Variants in MYRIP observed in about 807,000 individuals in gnomAD.
MYRIP encodes the protein rab effector MyRIP.
A neutral mutation model predicts 98.0 loss-of-function variants in MYRIP; 49 were observed. That is an observed-to-expected ratio of 0.50 (90% CI 0.40 to 0.63). The LOEUF (loss-of-function observed/expected upper bound fraction) is 0.63, where lower values mean the gene tolerates loss of function less well. Among genes scored for constraint, MYRIP ranks in the 30% least tolerant of loss-of-function variants. MYRIP has a pLI of 0.00. For synonymous variants in MYRIP, 404 were observed against 409.5 expected (o/e 0.99, Z 0.16); for missense variants, 1,004 against 1,058.2 (o/e 0.95, Z 0.71).
At chr3:39,939,454 A>T (rs1369098249) in intron 2 of MYRIP, among the ~76,000 whole-genome samples, 2 of 152,158 alleles carry the variant, frequency 1.3e-5, no homozygotes, top group African/African-American at 4.8e-5. Flanking sequence ...AAATATCATG[A>T]TCACTGAAAT....
intron 1 of MYRIP, among the ~76,000 whole-genome samples, chr3:39,833,681 T>G (rs1470305596): frequency 6.6e-6 from 1 of 152,194 alleles, no homozygotes; most frequent in Non-Finnish European, 1.5e-5. Flanking sequence ...CAGATTCCAC[T>G]GGTCACATTA....
intron 9 of MYRIP, among the ~76,000 whole-genome samples, chr3:40,186,820 C>T (rs1199694344): frequency 6.6e-6 from 1 of 152,208 alleles, no homozygotes; most frequent in Non-Finnish European, 1.5e-5. Flanking sequence ...TCACTGAGAA[C>T]CTGAGCATTC....
At chr3:39,865,402 GA>G (rs1457327753) in intron 1 of MYRIP, among the ~76,000 whole-genome samples, 2 of 151,698 alleles carry the variant, frequency 1.3e-5, no homozygotes, top group Admixed American at 6.6e-5. Context: ...CCACAGAATG[GA>G]AAAAAAATTT....
intron 1 of MYRIP, among the ~76,000 whole-genome samples, chr3:39,879,738 A>G (rs1943111310): frequency 6.6e-6 from 1 of 152,226 alleles, no homozygotes; most frequent in Admixed American, 6.5e-5. Flanking sequence ...GAAGGGCAGC[A>G]GCTGAAATCT....
At chr3:39,994,808 C>T (rs1946293538) in intron 2 of MYRIP, among the ~76,000 whole-genome samples, 1 of 152,194 alleles carries the variant, frequency 6.6e-6, no homozygotes, top group Non-Finnish European at 1.5e-5. Context: ...AGACTGACAC[C>T]TCACACGACT....
At chr3:39,870,267 G>A (rs2125628953) in intron 1 of MYRIP, among the ~76,000 whole-genome samples, 2 of 152,284 alleles carry the variant, frequency 1.3e-5, no homozygotes, top group East Asian at 3.9e-4. Context: ...AAGAAGGAGA[G>A]ACCTGACACA....
chr3:40,247,658 G>C (rs1007510407), intron 13 of MYRIP, among the ~76,000 whole-genome samples: 4 of 152,072 alleles, frequency 2.6e-5, no homozygotes, highest in Non-Finnish European at 4.4e-5. Flanking sequence ...CGAGTAGCTG[G>C]GATTACAGGC....
At chr3:39,950,343 T>C (rs1408112361) in intron 2 of MYRIP, among the ~76,000 whole-genome samples, 1 of 152,210 alleles carries the variant, frequency 6.6e-6, no homozygotes, top group Non-Finnish European at 1.5e-5. Flanking sequence ...TACATTATCA[T>C]TTGCTTTCCT....
At position 40,259,897 on chromosome 3, in the gene MYRIP, G is replaced by A. The variant is rs1456731897; in HGVS notation, c.*1731G>A. The A allele has an allele frequency of 2.0e-5, 3 of 152,632 alleles. No homozygotes were observed. The highest frequency in any genetic ancestry group is 4.8e-5 in the African/African-American group (2 of 41,462). 9.5% of individuals were successfully genotyped at this position (152,632 alleles called of 1,614,324 possible). A position where few individuals can be genotyped will look rare whatever the true frequency, so the allele number is the denominator to read the frequency against. ...TTAAGAGGCATGAAAAGCAACTATT[G>A]TTGTGTTACAGTGTTAAAAATATTC... On this transcript the variant is annotated 3_prime_UTR_variant, in exon 17 of 17. Coordinates refer to ENST00000302541, the MANE Select transcript of MYRIP (RefSeq NM_015460.4).
chr3:40,006,515 C>T (rs1325538562), intron 2 of MYRIP, among the ~76,000 whole-genome samples: 3 of 152,130 alleles, frequency 2.0e-5, no homozygotes, highest in East Asian at 1.9e-4. Flanking sequence ...CCTGGATGGA[C>T]TATGGCAGGT....
chr3:40,250,753 A>G (rs896542616), intron 15 of MYRIP, among the ~76,000 whole-genome samples: 5 of 152,254 alleles, frequency 3.3e-5, no homozygotes, highest in Non-Finnish European at 5.9e-5. Flanking sequence ...GTCAGTCAAT[A>G]CAGGGTACTT....
intron 10 of MYRIP, among the ~76,000 whole-genome samples, chr3:40,196,030 T>C (rs1336289390): frequency 6.6e-6 from 1 of 152,098 alleles, no homozygotes; most frequent in African/African-American, 2.4e-5. Context: ...AATATTCTCA[T>C]CACGTTTTAA....
chr3:40,212,452 A>G (rs917682979), intron 11 of MYRIP, among the ~76,000 whole-genome samples: 1 of 152,052 alleles, frequency 6.6e-6, no homozygotes, highest in African/African-American at 2.4e-5. Context: ...GTTTTGAGAT[A>G]TATTTTAGGA....
intron 12 of MYRIP, among the ~76,000 whole-genome samples, chr3:40,243,400 T>TAAAAAA (rs10655936): frequency 7.4e-6 from 1 of 135,146 alleles, no homozygotes. Flanking sequence ...TCACTAAGTG[T>TAAAAAA]AAAAAAAAAA....
In MYRIP at chr3:39,904,309, C is replaced by T. The variant is rs1181917403; in HGVS notation, c.110+3383C>T. Among the ~76,000 whole-genome samples, 4 of 152,116 alleles carry T rather than the reference C, an allele frequency of 2.6e-5. No homozygotes were observed. The East Asian group carries it at 7.7e-4, about 29-fold the overall frequency. On this transcript the variant is annotated intron_variant, in intron 2 of 16. Coordinates refer to ENST00000302541, the MANE Select transcript of MYRIP (RefSeq NM_015460.4). Reference sequence around the variant, plus strand: ...TTGCCCAGGTTGGAGTGCAGTGGCACGATGCAACCTCTGTCTCCCGGGTTC... The same window carrying T: ...TTGCCCAGGTTGGAGTGCAGTGGCATGATGCAACCTCTGTCTCCCGGGTTC...
At chr3:39,984,497 A>G (rs909574456) in intron 2 of MYRIP, among the ~76,000 whole-genome samples, 227 of 152,002 alleles carry the variant, frequency 1.5e-3, no homozygotes, top group Non-Finnish European at 2.7e-3. Context: ...TGTTCTTGCG[A>G]TAGTTTACTG....
intron 3 of MYRIP, among the ~76,000 whole-genome samples, chr3:40,116,222 C>G (rs898981030): frequency 6.6e-6 from 1 of 152,176 alleles, no homozygotes; most frequent in Non-Finnish European, 1.5e-5. Context: ...TATCCCCTAG[C>G]ACTTTACCTT....
chr3:40,136,936 G>T (rs1239326433), intron 3 of MYRIP, among the ~76,000 whole-genome samples: 4 of 152,304 alleles, frequency 2.6e-5, no homozygotes, highest in South Asian at 4.1e-4. Context: ...AAGCAGGAAA[G>T]ATCTAAAATG....
chr3:40,156,169 A>G (rs1421734840), intron 4 of MYRIP, among the ~76,000 whole-genome samples: 1 of 151,130 alleles, frequency 6.6e-6, no homozygotes. Flanking sequence ...TAATTTTTGT[A>G]TAAGGTGTAA....
Sources: allele counts gnomAD v4.1 joint callset (sites outside exome capture counted in the v4.1 genomes callset), GRCh38; gene constraint gnomAD v4.1.1; transcripts MANE v1.5; gene names NCBI Gene and HGNC (gene_info 2026-07-23, HGNC 2026-07-21).